The following ASH1L variants were observed in gnomAD, a reference collection of about 807,000 sequenced individuals.
ASH1L encodes the protein ASH1 like histone lysine methyltransferase.
In ASH1L, 23 loss-of-function variants were observed where a neutral mutation model predicts 269.0. The observed-to-expected ratio is 0.09, with a 90% CI of 0.06 to 0.12. The LOEUF (loss-of-function observed/expected upper bound fraction) is 0.12. Ranked by LOEUF, ASH1L falls within the 10% of genes least tolerant of loss-of-function variation. The pLI is 1.00. For missense variants in ASH1L, 2,912 were observed against 3,567.8 expected (o/e 0.82, Z 4.68); for synonymous variants, 1,187 against 1,253.5 (o/e 0.95, Z 1.12).
intron 7 of ASH1L, 85 bp from the exon 8 acceptor site, chr1:155,380,201 G>A (rs1656813738): frequency 1.2e-5 from 11 of 908,206 alleles, no homozygotes; most frequent in Admixed American, 2.4e-5. Flanking sequence ...GAACTAACAT[G>A]TACTGACTAA....
intron 2 of ASH1L, among the ~76,000 whole-genome samples, chr1:155,484,928 C>CAAAAAA (rs761331437): frequency 3.3e-4 from 27 of 82,044 alleles, no homozygotes; most frequent in East Asian, 4.6e-4. Flanking sequence ...TGCTCTGTCT[C>CAAAAAA]AAAAAAAAAA....
intron 12 of ASH1L, among the ~76,000 whole-genome samples, chr1:155,368,314 T>C (rs1242095481): frequency 1.3e-5 from 2 of 151,990 alleles, no homozygotes; most frequent in Admixed American, 6.6e-5. Flanking sequence ...TCTTTAAGTA[T>C]GTGGAAGAAT....
chr1:155,539,056 T>C (rs1200259741), intron 1 of ASH1L, among the ~76,000 whole-genome samples: 1 of 152,210 alleles, frequency 6.6e-6, no homozygotes, highest in African/African-American at 2.4e-5. Context: ...AGATCTGATT[T>C]GGCCTACCAG....
chr1:155,407,542 TTAGA>T (rs1329232863), intron 6 of ASH1L, among the ~76,000 whole-genome samples: 24 of 152,182 alleles, frequency 1.6e-4, no homozygotes, highest in Admixed American at 1.4e-3. Context: ...ACTAGACTGG[TTAGA>T]TAGACTATGA....
chr1:155,549,009 T>G (rs1432581476), intron 1 of ASH1L, among the ~76,000 whole-genome samples: 2 of 152,216 alleles, frequency 1.3e-5, no homozygotes, highest in Admixed American at 6.5e-5. Flanking sequence ...AGGATAATTG[T>G]GTCTGCACTG....
At chr1:155,365,765 T>C (rs1265621981) in intron 12 of ASH1L, among the ~76,000 whole-genome samples, 2 of 152,180 alleles carry the variant, frequency 1.3e-5, no homozygotes, top group Non-Finnish European at 2.9e-5. Context: ...AGTCCCTGTA[T>C]AGGGTTCCTG....
At position 155,335,991 on chromosome 1, in the gene ASH1L, C is replaced by T. The variant is rs1652281731; in HGVS notation, c.*1669G>A. The stretch of plus-strand genomic sequence containing the variant: ...GCTCCACATGTGAGTATCTTATACC[C>T]AGGTCTCTTAGTAATGTACAGTGCT... On this transcript the variant is annotated 3_prime_UTR_variant, in exon 28 of 28. Transcript: ENST00000392403. 1 of 152,612 alleles carries T rather than the reference C, an allele frequency of 6.6e-6. No individual in the cohort carries two copies. Among genetic ancestry groups the T allele is most frequent in the African/African-American group, 2.4e-5 (1 of 41,408 alleles). The allele number at this position is 152,612 out of a possible 1,614,324, so 9.5% of individuals were successfully genotyped here.
chr1:155,339,195 C>A, intron 26 of ASH1L, 133 bp downstream of exon 26: 1 of 739,750 alleles, frequency 1.4e-6, no homozygotes, highest in Non-Finnish European at 2.3e-6. Context: ...ATAGTGCTGG[C>A]ACTACACTGG....
At chr1:155,472,543 T>C (rs367650864) in intron 3 of ASH1L, among the ~76,000 whole-genome samples, 2 of 152,112 alleles carry the variant, frequency 1.3e-5, no homozygotes, top group African/African-American at 4.8e-5. Context: ...AATCTCCTTC[T>C]CATGACTCTG....
At position 155,512,448 on chromosome 1, in the gene ASH1L, C is replaced by CTTT. The variant is rs1217608016; in HGVS notation, c.420+8649_420+8651dup. On this transcript the variant is annotated intron_variant, in intron 2 of 27. Transcript: ENST00000392403. Reference sequence around the variant, plus strand: ...AAAAAGAAAGGCAAAGGATCTTAGACTTTTTTTTTTTTTTTTTTTTTGAGA... The same window carrying CTTT: ...AAAAAGAAAGGCAAAGGATCTTAGACTTTTTTTTTTTTTTTTTTTTTTTTGAGA... 9.5e-4 allele frequency among the ~76,000 whole-genome samples: 89 copies of CTTT among 93,690 alleles called. 3 individuals are homozygous for CTTT. Among genetic ancestry groups the CTTT allele is most frequent in the Admixed American group, 1.9e-3 (12 of 6,374 alleles). The allele number at this position is 93,690 out of a possible 152,430, so 61.5% of individuals were successfully genotyped here. A position where few individuals can be genotyped will look rare whatever the true frequency, so the allele number is the denominator to read the frequency against.
chr1:155,512,830 T>C (rs1011987505), intron 2 of ASH1L, among the ~76,000 whole-genome samples: 9 of 151,538 alleles, frequency 5.9e-5, no homozygotes, highest in Admixed American at 4.6e-4. Context: ...GGGGCTGAGA[T>C]GGGAGGATCA....
intron 15 of ASH1L, among the ~76,000 whole-genome samples, chr1:155,356,078 C>T (rs1654361029): frequency 6.6e-6 from 1 of 151,998 alleles, no homozygotes; most frequent in African/African-American, 2.4e-5. Flanking sequence ...GCTGAGATGA[C>T]AGGCATGCAC....
intron 1 of ASH1L, among the ~76,000 whole-genome samples, chr1:155,547,901 G>A (rs908426280): frequency 4.6e-5 from 7 of 152,130 alleles, no homozygotes; most frequent in South Asian, 2.1e-4. Flanking sequence ...GCGTGAACCC[G>A]GAAGGTGGAT....
chr1:155,462,149 T>C (rs988504981), intron 3 of ASH1L, among the ~76,000 whole-genome samples: 5 of 152,154 alleles, frequency 3.3e-5, no homozygotes, highest in African/African-American at 1.2e-4. Context: ...AACTAACATT[T>C]ATTAAGTGAG....
At chr1:155,376,252 C>T (rs1365560192) in intron 10 of ASH1L, among the ~76,000 whole-genome samples, 2 of 152,186 alleles carry the variant, frequency 1.3e-5, no homozygotes, top group African/African-American at 4.8e-5. Flanking sequence ...TACAGTGATG[C>T]AGGTAAGGTA....
chr1:155,431,226 A>G (rs989906802), intron 5 of ASH1L, among the ~76,000 whole-genome samples: 11 of 150,534 alleles, frequency 7.3e-5, no homozygotes, highest in Non-Finnish European at 1.6e-4. Context: ...AAATATATAT[A>G]TATATAATAT....
chr1:155,395,575 A>G, intron 6 of ASH1L, 22 bp from the exon 7 acceptor site: 1 of 1,588,432 alleles, frequency 6.3e-7, no homozygotes, highest in Non-Finnish European at 8.6e-7. Flanking sequence ...AAAGAATGGG[A>G]AACAGTCAAG....
chr1:155,456,808 G>A (rs1041088453), intron 4 of ASH1L, among the ~76,000 whole-genome samples: 1 of 151,064 alleles, frequency 6.6e-6, no homozygotes, highest in African/African-American at 2.5e-5. Flanking sequence ...TCTTCATATT[G>A]TAATGTTATA....
chr1:155,458,952 CTTTT>C (rs368224681), intron 4 of ASH1L, among the ~76,000 whole-genome samples: 2 of 134,530 alleles, frequency 1.5e-5, no homozygotes, highest in Non-Finnish European at 3.2e-5. Context: ...CATCCTCTCT[CTTTT>C]TTTTTTTTTT....
Sources: gnomAD v4.1 joint callset for allele counts (sites outside exome capture counted in the v4.1 genomes callset) on GRCh38, gnomAD v4.1.1 for gene constraint, MANE v1.5 for transcripts, NCBI Gene and HGNC (gene_info 2026-07-23, HGNC 2026-07-21) for gene names.